The following PRKCA variants were observed in gnomAD, a reference collection of about 807,000 sequenced individuals.
PRKCA encodes the protein protein kinase C alpha type.
A neutral mutation model predicts 87.0 loss-of-function variants in PRKCA; 27 were observed. That is an observed-to-expected ratio of 0.31 (90% confidence interval 0.23 to 0.43). The LOEUF is 0.43. Ranked by LOEUF, PRKCA falls within the 20% of genes least tolerant of loss-of-function variation. The pLI is 1.00. For missense variants in PRKCA, 518 were observed against 852.3 expected (o/e 0.61, Z 4.88); for synonymous variants, 329 against 311.1 (o/e 1.06, Z -0.61).
In PRKCA at chr17:66,804,001, C is replaced by T. The variant is rs1335247762; in HGVS notation, c.1983C>T (p.Pro661=). 4 of 1,613,698 alleles carry T rather than the reference C, an allele frequency of 2.5e-6. No individual in the cohort carries two copies. The highest frequency in any genetic ancestry group is 1.1e-5 in the South Asian group (1 of 91,068). Residue 661 remains proline (P), a synonymous_variant, in exon 17 of 17, where the codon CCC becomes CCT. Transcript: ENST00000413366. ...SDFEGFSYVN[P]QFVHPILQSA... ...TTGAAGGGTTCTCGTATGTCAACCCCCAGTTTGTGCACCCCATCTTACAGA... is the reference window on the plus strand; with the variant it reads ...TTGAAGGGTTCTCGTATGTCAACCCTCAGTTTGTGCACCCCATCTTACAGA...
At chr17:66,541,272 G>A (rs1011689843) in intron 3 of PRKCA, among the ~76,000 whole-genome samples, 3 of 152,198 alleles carry the variant, frequency 2.0e-5, no homozygotes, top group African/African-American at 7.2e-5. Context: ...GCAGATTGTG[G>A]CTCAGTAAGA....
intron 3 of PRKCA, among the ~76,000 whole-genome samples, chr17:66,510,565 T>G (rs551129516): frequency 1.3e-5 from 2 of 152,192 alleles, no homozygotes; most frequent in South Asian, 4.1e-4. Context: ...AGCTAACAGC[T>G]TAAGGAATCA....
chr17:66,699,781 G>T (rs1420049364), intron 8 of PRKCA, among the ~76,000 whole-genome samples: 1 of 152,208 alleles, frequency 6.6e-6, no homozygotes, highest in Non-Finnish European at 1.5e-5. Context: ...TTGATGTGTT[G>T]CCCAGGCTGG....
chr17:66,705,125 C>T (rs1287441971), intron 8 of PRKCA, among the ~76,000 whole-genome samples: 1 of 152,090 alleles, frequency 6.6e-6, no homozygotes, highest in Non-Finnish European at 1.5e-5. Context: ...TTTTTTGTCC[C>T]TAAATAGCTT....
At chr17:66,624,494 T>C (rs114856152) in intron 3 of PRKCA, among the ~76,000 whole-genome samples, 5,082 of 152,226 alleles carry the variant, frequency 0.033, 265 homozygotes, top group African/African-American at 0.11. Context: ...TCACCTGTGG[T>C]GATTTAAATT....
chr17:66,440,270 G>C (rs929596614), intron 2 of PRKCA, among the ~76,000 whole-genome samples: 1 of 152,208 alleles, frequency 6.6e-6, no homozygotes, highest in African/African-American at 2.4e-5. Context: ...CCCCCCACCA[G>C]TTCCCTAAAG....
At chr17:66,695,328 A>G (rs1172627074) in intron 8 of PRKCA, among the ~76,000 whole-genome samples, 1 of 152,258 alleles carries the variant, frequency 6.6e-6, no homozygotes, top group African/African-American at 2.4e-5. Context: ...AGATTTCACA[A>G]AACGAAACAT....
intron 3 of PRKCA, among the ~76,000 whole-genome samples, chr17:66,616,721 T>C (rs1970526963): frequency 6.6e-6 from 1 of 152,198 alleles, no homozygotes; most frequent in African/African-American, 2.4e-5. Context: ...ATTGTCACAC[T>C]ATTAATTAGC....
intron 2 of PRKCA, among the ~76,000 whole-genome samples, chr17:66,456,128 C>A (rs1914567096): frequency 6.6e-6 from 1 of 151,758 alleles, no homozygotes; most frequent in Non-Finnish European, 1.5e-5. Flanking sequence ...CCAGGAGCCA[C>A]CAGGAACTAG....
intron 2 of PRKCA, among the ~76,000 whole-genome samples, chr17:66,306,697 T>C (rs9914146): frequency 0.99 from 151,436 of 152,282 alleles, 75,305 homozygotes; most frequent in Middle Eastern, 1. Context: ...AAACGTGATA[T>C]CAGCCATCAC....
intron 2 of PRKCA, among the ~76,000 whole-genome samples, chr17:66,346,935 G>C (rs971599026): frequency 6.6e-6 from 1 of 151,966 alleles, no homozygotes; most frequent in Non-Finnish European, 1.5e-5. Flanking sequence ...AGAGGCTGAG[G>C]CAGGAGAATC....
At chr17:66,671,208 T>TAAAA (rs1972170345) in intron 5 of PRKCA, among the ~76,000 whole-genome samples, 1 of 16,184 alleles carries the variant, frequency 6.2e-5, no homozygotes, top group African/African-American at 2.5e-4. Flanking sequence ...GAGACTCATC[T>TAAAA]CAAAAAAAAA....
intron 5 of PRKCA, among the ~76,000 whole-genome samples, chr17:66,666,276 T>C (rs1238258050): frequency 6.6e-6 from 1 of 152,154 alleles, no homozygotes; most frequent in Non-Finnish European, 1.5e-5. Context: ...ATGTGATAAA[T>C]GTTGGATGGC....
rs192351588 is a variant in PRKCA at position 66,327,836 on chromosome 17, G to A, written c.205+21709G>A. On this transcript the variant is annotated intron_variant, in intron 2 of 16. Coordinates refer to ENST00000413366, the MANE Select transcript of PRKCA (RefSeq NM_002737.3). Reference sequence around the variant, plus strand: ...GATTTTTTTTCCCTAAGCATTCATCGTCATATCTGCCAGCCACGGTGCCTG... The same window carrying A: ...GATTTTTTTTCCCTAAGCATTCATCATCATATCTGCCAGCCACGGTGCCTG... Among the ~76,000 whole-genome samples the A allele has an allele frequency of 3.9e-5, 6 of 152,048 alleles. No individual in the cohort carries two copies. In the East Asian group the frequency reaches 5.8e-4, roughly 15 times the overall value.
At chr17:66,482,545 G>A (rs528141416) in intron 2 of PRKCA, among the ~76,000 whole-genome samples, 1 of 152,204 alleles carries the variant, frequency 6.6e-6, no homozygotes, top group Non-Finnish European at 1.5e-5. Context: ...AGTACGAGGT[G>A]AAGATTCCAA....
chr17:66,366,655 C>T (rs1908746620), intron 2 of PRKCA, among the ~76,000 whole-genome samples: 1 of 152,218 alleles, frequency 6.6e-6, no homozygotes. Context: ...AAGTAACTCA[C>T]AGGCCAGCTG....
At chr17:66,520,670 G>C (rs12940544) in intron 3 of PRKCA, among the ~76,000 whole-genome samples, 1 of 152,134 alleles carries the variant, frequency 6.6e-6, no homozygotes, top group Non-Finnish European at 1.5e-5. Flanking sequence ...CTAAATTTCA[G>C]GTATCCAGAT....
At chr17:66,318,299 G>T (rs1905434483) in intron 2 of PRKCA, among the ~76,000 whole-genome samples, 1 of 152,094 alleles carries the variant, frequency 6.6e-6, no homozygotes, top group Non-Finnish European at 1.5e-5. Context: ...AAATGGAAAT[G>T]ATCGTTAATT....
At chr17:66,783,576 CAATT>C (rs1044197745) in intron 14 of PRKCA, among the ~76,000 whole-genome samples, 8 of 152,184 alleles carry the variant, frequency 5.3e-5, no homozygotes, top group African/African-American at 1.2e-4. Context: ...TGCCAGGAGA[CAATT>C]AAGTAGGTGT....
Sources: allele counts gnomAD v4.1 joint callset (sites outside exome capture counted in the v4.1 genomes callset), GRCh38; gene constraint gnomAD v4.1.1; transcripts MANE v1.5; gene names NCBI Gene and HGNC (gene_info 2026-07-23, HGNC 2026-07-21).